The following LRRC7 variants were observed in gnomAD, a reference collection of about 807,000 sequenced individuals.
LRRC7 encodes leucine rich repeat containing 7, also known as leucine-rich repeat-containing protein 7.
In LRRC7, 23 loss-of-function variants were observed where a neutral mutation model predicts 175.7. The ratio of observed to expected loss-of-function variants is 0.13; its 90% CI spans 0.09 to 0.19. LRRC7 has a LOEUF of 0.19. LRRC7 is among the 10% of genes least tolerant of loss of function. The pLI, the probability that LRRC7 is intolerant of heterozygous loss-of-function variation, is 1.00. For missense variants in LRRC7, 1,354 were observed against 1,904.7 expected, an observed-to-expected ratio of 0.71 and a Z score of 5.38; for synonymous variants, 685 against 680.9, an observed-to-expected ratio of 1.01 and a Z score of -0.09.
At chr1:69,904,039 G>A (rs899962511) in intron 7 of LRRC7, among the ~76,000 whole-genome samples, 1 of 152,112 alleles carries the variant, frequency 6.6e-6, no homozygotes, top group South Asian at 2.1e-4. Flanking sequence ...AAAAGTCCAG[G>A]ACTAGATAGA....
At chr1:69,833,640 G>A (rs745932585) in intron 5 of LRRC7, among the ~76,000 whole-genome samples, 1 of 152,024 alleles carries the variant, frequency 6.6e-6, no homozygotes, top group Non-Finnish European at 1.5e-5. Flanking sequence ...AATGTCCCAG[G>A]AGAAGGAAGA....
At chr1:69,654,113 T>TA (rs1292368265) in intron 1 of LRRC7, among the ~76,000 whole-genome samples, 8 of 151,966 alleles carry the variant, frequency 5.3e-5, no homozygotes, top group Admixed American at 5.3e-4. Context: ...CTCATGTTAT[T>TA]TATTTTTTTT....
intron 25 of LRRC7, among the ~76,000 whole-genome samples, chr1:70,104,224 T>A (rs1348286137): frequency 6.6e-6 from 1 of 152,256 alleles, no homozygotes; most frequent in Non-Finnish European, 1.5e-5. Flanking sequence ...TGCCAAAGTA[T>A]TCTTTAAAAT....
At chr1:69,885,532 A>G (rs77424879) in intron 7 of LRRC7, among the ~76,000 whole-genome samples, 63,253 of 130,034 alleles carry the variant, frequency 0.49, 18,047 homozygotes, top group East Asian at 0.65. Flanking sequence ...TCTTGCTAGC[A>G]GTCTATCAGT....
chr1:69,882,617 T>A (rs1223096353), intron 7 of LRRC7, among the ~76,000 whole-genome samples: 6 of 152,028 alleles, frequency 3.9e-5, no homozygotes, highest in African/African-American at 1.4e-4. Flanking sequence ...TTTCTTTTTT[T>A]TTTTTTTTAA....
chr1:69,743,669 T>C (rs1429065474), intron 2 of LRRC7, among the ~76,000 whole-genome samples: 1 of 151,896 alleles, frequency 6.6e-6, no homozygotes, highest in African/African-American at 2.4e-5. Context: ...GTGTAGGAGA[T>C]AGAAAAGTGT....
chr1:69,831,870 A>G (rs1033705606), intron 5 of LRRC7, among the ~76,000 whole-genome samples: 2 of 152,118 alleles, frequency 1.3e-5, no homozygotes, highest in African/African-American at 4.8e-5. Context: ...GTCTTCAAAT[A>G]ATGTTGTTTC....
chr1:69,777,625 T>A (rs555470933), intron 3 of LRRC7, among the ~76,000 whole-genome samples: 2 of 152,230 alleles, frequency 1.3e-5, no homozygotes, highest in Non-Finnish European at 2.9e-5. Context: ...CTGTATTACC[T>A]GTTTCAGTTG....
intron 1 of LRRC7, among the ~76,000 whole-genome samples, chr1:69,614,930 A>G (rs1164626665): frequency 1.3e-5 from 2 of 152,188 alleles, no homozygotes; most frequent in South Asian, 4.1e-4. Flanking sequence ...ATCCCACCTA[A>G]CAGGATAAAA....
chr1:69,646,016 T>A (rs1654956819), intron 1 of LRRC7, among the ~76,000 whole-genome samples: 1 of 152,088 alleles, frequency 6.6e-6, no homozygotes, highest in Non-Finnish European at 1.5e-5. Context: ...GACTTATCAC[T>A]GATATTCTAA....
intron 1 of LRRC7, among the ~76,000 whole-genome samples, chr1:69,671,361 A>G (rs1052474635): frequency 6.6e-6 from 1 of 152,116 alleles, no homozygotes; most frequent in African/African-American, 2.4e-5. Context: ...CTAAGCTGGT[A>G]TCAACGATCC....
At chr1:69,673,440 G>A (rs985580518) in intron 1 of LRRC7, among the ~76,000 whole-genome samples, 7 of 152,268 alleles carry the variant, frequency 4.6e-5, no homozygotes, top group South Asian at 2.1e-4. Context: ...TCTCACCTGT[G>A]GTCATTACAT....
chr1:69,794,841 A>T (rs1363013224), intron 4 of LRRC7, among the ~76,000 whole-genome samples: 1 of 152,198 alleles, frequency 6.6e-6, no homozygotes, highest in African/African-American at 2.4e-5. Context: ...ATATTTTTTC[A>T]ACTCAGAAGT....
chr1:69,940,869 A>C (rs1648639195), intron 8 of LRRC7, among the ~76,000 whole-genome samples: 1 of 152,134 alleles, frequency 6.6e-6, no homozygotes, highest in African/African-American at 2.4e-5. Context: ...ATAGAAAACA[A>C]ATGTTATTTG....
chr1:69,940,259 G>A (rs1648574891), intron 8 of LRRC7, among the ~76,000 whole-genome samples: 1 of 152,084 alleles, frequency 6.6e-6, no homozygotes, highest in African/African-American at 2.4e-5. Flanking sequence ...ATACATTGAA[G>A]TAAAGGAACT....
intron 7 of LRRC7, among the ~76,000 whole-genome samples, chr1:69,891,474 G>T (rs1645831093): frequency 6.6e-6 from 1 of 152,204 alleles, no homozygotes; most frequent in Non-Finnish European, 1.5e-5. Flanking sequence ...GCTCACACCT[G>T]TAATCCAAGC....
intron 1 of LRRC7, among the ~76,000 whole-genome samples, chr1:69,592,985 C>T (rs1646700002): frequency 6.6e-6 from 1 of 152,014 alleles, no homozygotes; most frequent in Admixed American, 6.6e-5. Flanking sequence ...AACACACCCA[C>T]ACAATGCAAG....
At chr1:70,109,823 A>G (rs1180868430) in intron 26 of LRRC7, among the ~76,000 whole-genome samples, 7 of 152,174 alleles carry the variant, frequency 4.6e-5, no homozygotes, top group Admixed American at 3.9e-4. Context: ...GGAAATGGCT[A>G]ATTTTTTTCT....
At chr1:69,920,705 C>G (rs1013404187) in intron 7 of LRRC7, among the ~76,000 whole-genome samples, 1 of 152,126 alleles carries the variant, frequency 6.6e-6, no homozygotes, top group Non-Finnish European at 1.5e-5. Flanking sequence ...GTCTTTAGCT[C>G]ATTATGGTTC....
Sources: gnomAD v4.1 joint callset for allele counts (sites outside exome capture counted in the v4.1 genomes callset) on GRCh38, gnomAD v4.1.1 for gene constraint, MANE v1.5 for transcripts, NCBI Gene and HGNC (gene_info 2026-07-23, HGNC 2026-07-21) for gene names.